Variants in ADCY8 observed in about 807,000 individuals in gnomAD.
The protein encoded by ADCY8 is adenylate cyclase type 8.
ADCY8 carries 51 observed loss-of-function variants against 119.7 expected under a neutral mutation model. That is an observed-to-expected ratio of 0.43 (90% CI 0.34 to 0.54). The LOEUF is 0.54. ADCY8 is among the 20% of genes least tolerant of loss of function. The probability of loss-of-function intolerance (pLI) is 0.03; values close to 1 mark genes in which losing one functional copy is unlikely to be tolerated. For missense variants in ADCY8, 1,383 were observed against 1,598.8 expected (o/e 0.87, Z 2.30); for synonymous variants, 665 against 651.0 (o/e 1.02, Z -0.33).
chr8:130,920,821 A>C (rs1820278989), intron 5 of ADCY8, among the ~76,000 whole-genome samples: 1 of 152,200 alleles, frequency 6.6e-6, no homozygotes. Flanking sequence ...ACACAGTTGA[A>C]GGCCTTAAGA....
At chr8:130,871,663 T>A (rs1194896334) in intron 8 of ADCY8, among the ~76,000 whole-genome samples, 1 of 152,212 alleles carries the variant, frequency 6.6e-6, no homozygotes, top group Non-Finnish European at 1.5e-5. Context: ...TCTATTCCTC[T>A]GTACAGTATT....
chr8:130,793,788 G>A (rs1815495932), intron 15 of ADCY8, among the ~76,000 whole-genome samples: 1 of 152,160 alleles, frequency 6.6e-6, no homozygotes. Context: ...GATCATAAGT[G>A]CACCTCTCCC....
intron 14 of ADCY8, among the ~76,000 whole-genome samples, chr8:130,800,806 G>C (rs919535211): frequency 6.6e-6 from 1 of 152,206 alleles, no homozygotes; most frequent in Non-Finnish European, 1.5e-5. Context: ...TCACAGTTCT[G>C]GAGGCTAAGA....
At chr8:130,937,292 G>A in intron 4 of ADCY8, 92 bp from the exon 5 acceptor site, 1 of 1,330,010 alleles carries the variant, frequency 7.5e-7, no homozygotes, top group South Asian at 1.8e-5. Context: ...AGGGTTAGGT[G>A]GTCTGCAACT....
chr8:130,952,040 C>A (rs750075462), intron 2 of ADCY8, 42 bp from the exon 3 acceptor site: 4 of 1,606,258 alleles, frequency 2.5e-6, no homozygotes, highest in South Asian at 1.1e-5. Flanking sequence ...GGCTGACCAG[C>A]GAGTCTCAGA....
At chr8:130,864,631 C>T (rs1478772681) in intron 9 of ADCY8, among the ~76,000 whole-genome samples, 1 of 152,108 alleles carries the variant, frequency 6.6e-6, no homozygotes, top group African/African-American at 2.4e-5. Flanking sequence ...CTTGGCCTTT[C>T]TGAGCCTACT....
chr8:130,845,989 T>C (rs1010881025), intron 11 of ADCY8, among the ~76,000 whole-genome samples: 1 of 152,182 alleles, frequency 6.6e-6, no homozygotes, highest in African/African-American at 2.4e-5. Context: ...TAATAGCCTC[T>C]ACCCCAGACA....
At chr8:130,821,218 C>T (rs1372796671) in intron 13 of ADCY8, 124 bp downstream of exon 13, 1 of 702,268 alleles carries the variant, frequency 1.4e-6, no homozygotes, top group African/African-American at 1.8e-5. Flanking sequence ...GGAATTGATT[C>T]TTTAAGAACC....
chr8:131,033,479 A>C (rs963615756), intron 1 of ADCY8, among the ~76,000 whole-genome samples: 1 of 152,162 alleles, frequency 6.6e-6, no homozygotes, highest in East Asian at 1.9e-4. Context: ...GCTGCTCTAG[A>C]AGCAAAGTCC....
intron 14 of ADCY8, among the ~76,000 whole-genome samples, chr8:130,805,990 G>C (rs539686761): frequency 6.6e-6 from 1 of 152,298 alleles, no homozygotes; most frequent in Non-Finnish European, 1.5e-5. Flanking sequence ...CCAGTCTGGT[G>C]GGGTAAAGCA....
chr8:131,031,839 T>A (rs1485621248), intron 1 of ADCY8, among the ~76,000 whole-genome samples: 1 of 152,166 alleles, frequency 6.6e-6, no homozygotes, highest in Non-Finnish European at 1.5e-5. Flanking sequence ...ATAAGATGGG[T>A]TCTGTTAGAT....
At chr8:130,782,884 G>A (rs1056428252) in intron 17 of ADCY8, among the ~76,000 whole-genome samples, 5 of 152,224 alleles carry the variant, frequency 3.3e-5, no homozygotes, top group Non-Finnish European at 7.3e-5. Flanking sequence ...GATGTCTACA[G>A]TGTGAGGACC....
intron 8 of ADCY8, among the ~76,000 whole-genome samples, chr8:130,882,788 T>C (rs1818826091): frequency 6.6e-6 from 1 of 152,214 alleles, no homozygotes; most frequent in Non-Finnish European, 1.5e-5. Flanking sequence ...ACTTGTGATA[T>C]ATTCTCTGCT....
At chr8:130,808,433 A>G (rs1035616545) in intron 14 of ADCY8, among the ~76,000 whole-genome samples, 4 of 152,240 alleles carry the variant, frequency 2.6e-5, no homozygotes, top group African/African-American at 9.6e-5. Flanking sequence ...GTCAAGCACC[A>G]TGTAAGTGCT....
At chr8:130,787,791 G>A (rs1358427769) in intron 15 of ADCY8, among the ~76,000 whole-genome samples, 1 of 151,324 alleles carries the variant, frequency 6.6e-6, no homozygotes, top group African/African-American at 2.5e-5. Flanking sequence ...GTGTGTGGGT[G>A]CACACACACA....
intron 2 of ADCY8, among the ~76,000 whole-genome samples, chr8:130,973,003 T>A (rs1821969448): frequency 6.6e-6 from 1 of 152,212 alleles, no homozygotes; most frequent in Non-Finnish European, 1.5e-5. Flanking sequence ...TCCACATTTA[T>A]TTTCTTTTAC....
rs879402212 is a variant in ADCY8, at chr8:130,893,689, T to C, written c.1912-8928A>G. Among the ~76,000 whole-genome samples the C allele has an allele frequency of 5.5e-3, 823 of 150,076 alleles. 2 individuals carry two copies. The highest frequency in any genetic ancestry group is 9.0e-3 in the Non-Finnish European group (609 of 67,422). On this transcript the variant is annotated intron_variant, in intron 7 of 17. Transcript: ENST00000286355. ...GTGTGTGTGTGTGTGTGTGTGTGTGTGCATGTTTATATGTGTGTGTGTGCA... is the reference window on the plus strand; with the variant it reads ...GTGTGTGTGTGTGTGTGTGTGTGTGCGCATGTTTATATGTGTGTGTGTGCA...
intron 2 of ADCY8, among the ~76,000 whole-genome samples, chr8:130,985,492 G>T (rs1323213699): frequency 6.6e-6 from 1 of 152,172 alleles, no homozygotes; most frequent in African/African-American, 2.4e-5. Flanking sequence ...TGGTCAGTGG[G>T]TGGCTTTGAA....
intron 9 of ADCY8, among the ~76,000 whole-genome samples, chr8:130,863,314 A>G (rs768392855): frequency 2.0e-5 from 3 of 151,252 alleles, no homozygotes; most frequent in Non-Finnish European, 4.4e-5. Context: ...TAATGTTAGC[A>G]TGGTATATTT....
Sources: allele counts gnomAD v4.1 joint callset (sites outside exome capture counted in the v4.1 genomes callset), GRCh38; gene constraint gnomAD v4.1.1; transcripts MANE v1.5; gene names NCBI Gene and HGNC (gene_info 2026-07-23, HGNC 2026-07-21).